The following HPSE2 variants were observed in gnomAD, a reference collection of about 807,000 sequenced individuals.
The protein encoded by HPSE2 is inactive heparanase-2.
Under a neutral mutation model 60.5 loss-of-function variants are expected in HPSE2, and 38 were observed. The observed-to-expected ratio is 0.63, with a 90% CI of 0.48 to 0.82. The LOEUF (loss-of-function observed/expected upper bound fraction) is 0.82. HPSE2 is among the 40% of genes least tolerant of loss of function. HPSE2 has a pLI of 0.00. For synonymous variants in HPSE2, 295 were observed against 293.2 expected, an observed-to-expected ratio of 1.01 and a Z score of -0.06; for missense variants, 713 against 740.4, an observed-to-expected ratio of 0.96 and a Z score of 0.43.
chr10:98,608,816 G>T (rs578169562), intron 9 of HPSE2, among the ~76,000 whole-genome samples: 4 of 151,960 alleles, frequency 2.6e-5, no homozygotes, highest in Admixed American at 6.6e-5. Context: ...TGGCTCCCAC[G>T]GGAAAGAAAA....
At chr10:98,733,434 T>C (rs1282098717) in intron 4 of HPSE2, among the ~76,000 whole-genome samples, 2 of 152,174 alleles carry the variant, frequency 1.3e-5, no homozygotes, top group Non-Finnish European at 2.9e-5. Flanking sequence ...TTATTTACCA[T>C]TGTATCTCTC....
At chr10:99,022,438 T>G (rs1299784873) in intron 3 of HPSE2, among the ~76,000 whole-genome samples, 1 of 152,084 alleles carries the variant, frequency 6.6e-6, no homozygotes, top group Admixed American at 6.5e-5. Flanking sequence ...ACTGCAACTC[T>G]TAGGCAAATC....
intron 6 of HPSE2, among the ~76,000 whole-genome samples, chr10:98,685,274 C>T (rs1171866866): frequency 1.3e-5 from 2 of 152,076 alleles, no homozygotes; most frequent in Non-Finnish European, 2.9e-5. Flanking sequence ...TTTTCTTATG[C>T]AATTTTACAT....
chr10:98,644,552 A>G (rs1459083733), intron 6 of HPSE2, among the ~76,000 whole-genome samples: 1 of 152,244 alleles, frequency 6.6e-6, no homozygotes, highest in East Asian at 1.9e-4. Flanking sequence ...GCTGGCCTAA[A>G]GCATGTAAGC....
In HPSE2 at chr10:98,718,740, G is replaced by T. The variant is rs571110672; in HGVS notation, c.956+2917C>A. ...CACATGTAGGAGCAAATGAAAAAGT[G>T]GACCTCACGGAGGTAGAGAATTGGT... is the stretch of plus-strand genomic sequence containing the variant. On this transcript the variant is annotated intron_variant, in intron 5 of 11. Transcript: ENST00000370552. 3.3e-5 allele frequency among the ~76,000 whole-genome samples: 5 copies of T among 152,194 alleles called. No individual in the cohort carries two copies. The East Asian group carries it at 9.7e-4, about 29-fold the overall frequency.
intron 2 of HPSE2, among the ~76,000 whole-genome samples, chr10:99,216,656 T>G (rs1479543899): frequency 6.6e-6 from 1 of 152,212 alleles, no homozygotes; most frequent in Non-Finnish European, 1.5e-5. Flanking sequence ...TTATCTACTC[T>G]ATACATCATT....
chr10:98,695,310 G>A (rs896500218), intron 5 of HPSE2, among the ~76,000 whole-genome samples: 1 of 152,194 alleles, frequency 6.6e-6, no homozygotes, highest in Non-Finnish European at 1.5e-5. Context: ...GAAGGCCACA[G>A]AAGCCCTGGC....
chr10:99,156,012 A>C (rs1377995729), intron 2 of HPSE2, among the ~76,000 whole-genome samples: 1,644 of 151,072 alleles, frequency 0.011, 23 homozygotes, highest in African/African-American at 0.037. Flanking sequence ...GAAATGGATA[A>C]ATTCCTGGAC....
chr10:98,509,633 C>G (rs1444266867), intron 9 of HPSE2, among the ~76,000 whole-genome samples: 1 of 151,950 alleles, frequency 6.6e-6, no homozygotes, highest in Non-Finnish European at 1.5e-5. Context: ...ACCCGAGTAG[C>G]TGGGATTACA....
chr10:98,709,186 C>A (rs963201113), intron 5 of HPSE2, among the ~76,000 whole-genome samples: 3 of 152,178 alleles, frequency 2.0e-5, no homozygotes, highest in African/African-American at 7.2e-5. Context: ...ACAACTTCAA[C>A]ACAGCTGCAA....
intron 3 of HPSE2, among the ~76,000 whole-genome samples, chr10:98,982,265 C>T (rs1451922555): frequency 1.3e-5 from 2 of 152,082 alleles, no homozygotes; most frequent in Admixed American, 6.6e-5. Context: ...TGTGAGGAAT[C>T]TGGAGCAGTG....
chr10:99,100,553 G>A (rs565190062), intron 3 of HPSE2, among the ~76,000 whole-genome samples: 16 of 152,310 alleles, frequency 1.1e-4, no homozygotes, highest in African/African-American at 3.8e-4. Flanking sequence ...ACGGAACCAA[G>A]TTGGAAAACA....
At chr10:98,670,359 G>A (rs1396383557) in intron 6 of HPSE2, among the ~76,000 whole-genome samples, 2 of 152,172 alleles carry the variant, frequency 1.3e-5, no homozygotes, top group Admixed American at 6.5e-5. Flanking sequence ...AATAAAAACT[G>A]TCTTTGAATT....
chr10:98,717,997 T>C (rs1320195134), intron 5 of HPSE2, among the ~76,000 whole-genome samples: 1 of 152,076 alleles, frequency 6.6e-6, no homozygotes, highest in African/African-American at 2.4e-5. Flanking sequence ...TTCTATTTTG[T>C]AGGCAGAGCT....
intron 3 of HPSE2, among the ~76,000 whole-genome samples, chr10:98,951,880 C>T (rs1955366533): frequency 6.6e-6 from 1 of 152,148 alleles, no homozygotes; most frequent in African/African-American, 2.4e-5. Flanking sequence ...CAACTAAATT[C>T]CCCCAGCCCT....
Position 99,104,148 on chromosome 10 carries a change from C to T in HPSE2, c.610+40090G>A, listed in dbSNP as rs567389047. ...AATTGACAAATGGGATCTAATTAAA[C>T]TCAAGAGCTTCTGCACAGCAAAAGA... On this transcript the variant is annotated intron_variant, in intron 3 of 11. Transcript: ENST00000370552. Among the ~76,000 whole-genome samples, 22 of 152,278 alleles carry T rather than the reference C, an allele frequency of 1.4e-4. No individual in the cohort carries two copies. In the South Asian group the frequency reaches 4.3e-3, roughly 30 times the overall value.
chr10:99,105,911 T>C (rs1176544086), intron 3 of HPSE2, among the ~76,000 whole-genome samples: 1 of 152,148 alleles, frequency 6.6e-6, no homozygotes, highest in African/African-American at 2.4e-5. Context: ...TTAATACCTT[T>C]GTCAAAAATC....
chr10:98,581,304 T>C (rs1944791690), intron 9 of HPSE2, among the ~76,000 whole-genome samples: 1 of 152,100 alleles, frequency 6.6e-6, no homozygotes, highest in South Asian at 2.1e-4. Flanking sequence ...TGGCTATAAG[T>C]AGTTTATAAA....
intron 2 of HPSE2, among the ~76,000 whole-genome samples, chr10:99,219,566 G>C (rs979657031): frequency 3.3e-5 from 5 of 152,150 alleles, no homozygotes; most frequent in African/African-American, 1.2e-4. Flanking sequence ...ATTACTTTTA[G>C]CTGTTATAGT....
Sources: allele counts gnomAD v4.1 joint callset (sites outside exome capture counted in the v4.1 genomes callset), GRCh38; gene constraint gnomAD v4.1.1; transcripts MANE v1.5; gene names NCBI Gene and HGNC (gene_info 2026-07-23, HGNC 2026-07-21).